MAPT: variants seen among roughly 807,000 people sequenced by gnomAD.
MAPT encodes microtubule-associated protein tau.
A neutral mutation model predicts 67.9 loss-of-function variants in MAPT; 34 were observed. That is an observed-to-expected ratio of 0.50 (90% confidence interval 0.38 to 0.67). The LOEUF is 0.67. Among genes scored for constraint, MAPT ranks in the 30% least tolerant of loss-of-function variants. MAPT has a pLI of 0.00. For synonymous variants in MAPT, 456 were observed against 464.5 expected (o/e 0.98, Z 0.23); for missense variants, 881 against 1,115.2 (o/e 0.79, Z 2.99).
chr17:45,985,083 C>A (rs1342793653), intron 5 of MAPT, among the ~76,000 whole-genome samples: 1 of 152,156 alleles, frequency 6.6e-6, no homozygotes, highest in Non-Finnish European at 1.5e-5. Context: ...GCAGGTGGAT[C>A]ATTTGAGGTT....
intron 1 of MAPT, among the ~76,000 whole-genome samples, chr17:45,926,595 G>T (rs1030318116): frequency 2.6e-5 from 4 of 152,256 alleles, no homozygotes; most frequent in African/African-American, 9.6e-5. Context: ...TTACCAGCAT[G>T]AGCCACTGTA....
chr17:45,944,616 T>A (rs1267816262), intron 1 of MAPT, among the ~76,000 whole-genome samples: 1 of 152,124 alleles, frequency 6.6e-6, no homozygotes, highest in Non-Finnish European at 1.5e-5. Flanking sequence ...AGAGCGGGCC[T>A]CCCCAGCCCC....
intron 8 of MAPT, among the ~76,000 whole-genome samples, chr17:45,994,390 G>A (rs1021814830): frequency 6.6e-6 from 1 of 152,200 alleles, no homozygotes; most frequent in East Asian, 1.9e-4. Flanking sequence ...GAGGCAGGAG[G>A]ATGGGAGGTC....
chr17:46,024,081 C>T lies in MAPT; in HGVS notation c.2412C>T (p.Ser804=). Residue 804 remains serine (S), a synonymous_variant, in exon 13 of 13, where the codon TCC becomes TCT. Coordinates refer to ENST00000262410, the MANE Select transcript of MAPT (RefSeq NM_001377265.1). Reference sequence around the variant, plus strand: ...CTCCACGGCATCTCAGCAATGTCTCCTCCACCGGCAGCATCGACATGGTAG... The same window carrying T: ...CTCCACGGCATCTCAGCAATGTCTCTTCCACCGGCAGCATCGACATGGTAG... ...DTSPRHLSNV[S]STGSIDMVDS... 1.9e-6 allele frequency: 3 copies of T among 1,614,176 alleles called. No homozygotes were observed. Among genetic ancestry groups the T allele is most frequent in the South Asian group, 1.1e-5 (1 of 91,090 alleles).
rs527891552 is a variant in MAPT at position 45,988,396 on chromosome 17, C to T, written c.1407+1301C>T. 2.1e-3 allele frequency among the ~76,000 whole-genome samples: 322 copies of T among 152,330 alleles called. 1 individual carries two copies. The highest frequency in any genetic ancestry group is 7.6e-3 in the African/African-American group (314 of 41,570). Reference sequence around the variant, plus strand: ...TCCCGAGAGTGTGACCTGTTCCCCTCCAAACACCCCCTTCTCCTCCAGGGC... The same window carrying T: ...TCCCGAGAGTGTGACCTGTTCCCCTTCAAACACCCCCTTCTCCTCCAGGGC... On this transcript the variant is annotated intron_variant, in intron 6 of 12. Transcript: ENST00000262410.
Position 45,996,746 on chromosome 17 carries a change from C to A in MAPT, c.1998+82C>A. 1 of 1,560,754 alleles carries A rather than the reference C, an allele frequency of 6.4e-7. No homozygotes were observed. The highest frequency in any genetic ancestry group is 8.7e-7 in the Non-Finnish European group (1 of 1,151,708). On this transcript the variant is annotated intron_variant, in intron 9 of 12. Coordinates refer to ENST00000262410, the MANE Select transcript of MAPT (RefSeq NM_001377265.1). This position sits in a 1 kb window ranked among gnomAD's most constrained non-coding sequence, Gnocchi z 4.5. The stretch of plus-strand genomic sequence containing the variant: ...CTGTGCCTGGAAGGGTAGGGCTGCG[C>A]CTGGAGGTGCGCGGTTGAGCGTGGA...
chr17:45,984,049 C>CG, intron 5 of MAPT, 119 bp downstream of exon 5: 1 of 897,600 alleles, frequency 1.1e-6, no homozygotes, highest in South Asian at 1.7e-5. Context: ...GTTCCTAGGA[C>CG]GCCACTAAAT....
intron 1 of MAPT, among the ~76,000 whole-genome samples, chr17:45,903,482 G>A (rs2063753293): frequency 6.6e-6 from 1 of 151,816 alleles, no homozygotes; most frequent in Non-Finnish European, 1.5e-5. Context: ...CACTTTGGGA[G>A]GCCGAGGCGG....
chr17:46,012,066 T>C (rs1386859156), intron 10 of MAPT, among the ~76,000 whole-genome samples: 1 of 152,192 alleles, frequency 6.6e-6, no homozygotes, highest in Non-Finnish European at 1.5e-5. Context: ...CTGGGATTGC[T>C]GTTTTCAGCT....
intron 1 of MAPT, among the ~76,000 whole-genome samples, chr17:45,959,358 C>G (rs914493109): frequency 1.3e-5 from 2 of 152,108 alleles, no homozygotes; most frequent in Non-Finnish European, 2.9e-5. Flanking sequence ...AATTTTTTGG[C>G]ATTTATTTAG....
intron 2 of MAPT, among the ~76,000 whole-genome samples, chr17:45,962,675 C>T (rs553874438): frequency 1.2e-4 from 18 of 152,288 alleles, no homozygotes; most frequent in Middle Eastern, 3.4e-3. Flanking sequence ...CCTGTAATCC[C>T]AGCACTTTGG....
chr17:45,902,367 G>A (rs2063677060), intron 1 of MAPT, among the ~76,000 whole-genome samples: 1 of 152,040 alleles, frequency 6.6e-6, no homozygotes, highest in Non-Finnish European at 1.5e-5. Context: ...ACCGCGCCCG[G>A]CCAGCTTGCA....
intron 6 of MAPT, among the ~76,000 whole-genome samples, chr17:45,989,617 G>C (rs1193029676): frequency 2.0e-5 from 3 of 152,146 alleles, no homozygotes; most frequent in East Asian, 1.9e-4. Context: ...CACCACTGCA[G>C]TCCAGCCTGG....
chr17:46,003,730 TG>T (rs2075211287), intron 9 of MAPT, among the ~76,000 whole-genome samples: 4 of 152,186 alleles, frequency 2.6e-5, no homozygotes, highest in Non-Finnish European at 5.9e-5. Context: ...GAGCTTGGGC[TG>T]AGATGTCAGA....
rs555595065 is a variant in MAPT, at chr17:45,980,835, G to A, written c.287-2031G>A. On this transcript the variant is annotated intron_variant, in intron 4 of 12. Coordinates refer to ENST00000262410, the MANE Select transcript of MAPT (RefSeq NM_001377265.1). ...GCCCCTGCCTCTGGTCAGTTCTGGC[G>A]CTCAGGCTCAGGGTTGCCTCTGGGC... is the stretch of plus-strand genomic sequence containing the variant. Among the ~76,000 whole-genome samples, 90 of 152,274 alleles carry A rather than the reference G, an allele frequency of 5.9e-4. 1 individual carries two copies. The highest frequency in any genetic ancestry group is 5.6e-3 in the Admixed American group (86 of 15,300).
intron 1 of MAPT, among the ~76,000 whole-genome samples, chr17:45,953,266 A>C (rs1354914461): frequency 6.6e-6 from 1 of 152,224 alleles, no homozygotes; most frequent in Non-Finnish European, 1.5e-5. Flanking sequence ...CTCCAGGGAC[A>C]TCTTTCTGGG....
Position 45,963,378 on chromosome 17 carries a change from A to C in MAPT, c.133+908A>C, listed in dbSNP as rs532578107. ...GCCTTCCCATGCTGGCCCTTCACCC[A>C]CTGCTGGAGTGCCAGGTTGGTCCAA... On this transcript the variant is annotated intron_variant, in intron 2 of 12. Transcript: ENST00000262410. 2.0e-3 allele frequency among the ~76,000 whole-genome samples: 305 copies of C among 151,968 alleles called. 1 individual carries two copies. Among genetic ancestry groups the C allele is most frequent in the Non-Finnish European group, 3.8e-3 (259 of 67,972 alleles).
At chr17:46,014,882 C>CAA (rs1254513618) in intron 11 of MAPT, among the ~76,000 whole-genome samples, 6 of 127,494 alleles carry the variant, frequency 4.7e-5, no homozygotes, top group Non-Finnish European at 8.5e-5. Flanking sequence ...GACTCCGTCT[C>CAA]AAAAAAAAAA....
At chr17:46,014,113 G>A (rs2076001614) in intron 10 of MAPT, 130 bp from the exon 11 acceptor site, 10 of 704,140 alleles carry the variant, frequency 1.4e-5, no homozygotes, top group Non-Finnish European at 2.6e-6. Flanking sequence ...TCCAATAAGG[G>A]CCTGGGCTTA....
Sources: allele counts gnomAD v4.1 joint callset (sites outside exome capture counted in the v4.1 genomes callset), GRCh38; gene constraint gnomAD v4.1.1; non-coding constraint Gnocchi (gnomAD v3.1); transcripts MANE v1.5; gene names NCBI Gene and HGNC (gene_info 2026-07-23, HGNC 2026-07-21).